ABCB9: variants seen among roughly 807,000 people sequenced by gnomAD.
The protein encoded by ABCB9 is ABC-type oligopeptide transporter ABCB9.
ABCB9 carries 36 observed loss-of-function variants against 62.0 expected under a neutral mutation model. The observed-to-expected ratio is 0.58, with a 90% CI of 0.45 to 0.77. ABCB9 has a LOEUF of 0.77. Among genes scored for constraint, ABCB9 ranks in the 30% least tolerant of loss-of-function variants. The probability of loss-of-function intolerance (pLI) is 0.00; values close to 1 mark genes in which losing one functional copy is unlikely to be tolerated. For missense variants in ABCB9, 943 were observed against 1,054.7 expected, an observed-to-expected ratio of 0.89 and a Z score of 1.47; for synonymous variants, 435 against 461.4, an observed-to-expected ratio of 0.94 and a Z score of 0.73.
chr12:122,940,958 A>G lies in ABCB9; in HGVS notation c.1418T>C (p.Val473Ala). ...GSVYSGLMQG[V>A]GAAEKVFEFI... ...CTCGAACACCTTCTCAGCAGCCCCC[A>G]CTCCCTGCATCAGGCCACTGTAGAC... Residue 473 changes from valine (V) to alanine (A), a missense_variant, in exon 8 of 12, where the codon GTG becomes GCG. Coordinates refer to ENST00000280560, the MANE Select transcript of ABCB9 (RefSeq NM_019625.4). This position sits in a 1 kb window ranked among gnomAD's most constrained non-coding sequence, Gnocchi z 4.8. The G allele has an allele frequency of 1.2e-6, 2 of 1,611,670 alleles. No individual in the cohort carries two copies. Among genetic ancestry groups the G allele is most frequent in the Non-Finnish European group, 1.7e-6 (2 of 1,178,752 alleles).
At position 122,959,917 on chromosome 12, in the gene ABCB9, C is replaced by T; in HGVS notation, c.319G>A (p.Val107Met). ...AMVKLLLFSEVRRPIRDPWFW... is the reference protein window; with the variant it reads ...AMVKLLLFSEMRRPIRDPWFW... ...CAGGGGTCCCGGATGGGCCTGCGCA[C>T]CTCTGAGAAGAGCAGCAGCTTCACC... is the stretch of plus-strand genomic sequence containing the variant. The change falls in exon 2 of 12, where the codon GTG becomes ATG. Residue 107 changes from valine (V) to methionine (M), a missense_variant. Coordinates refer to ENST00000280560, the MANE Select transcript of ABCB9 (RefSeq NM_019625.4). This position sits in a 1 kb window ranked among gnomAD's most constrained non-coding sequence, Gnocchi z 5.4. 1 of 1,613,456 alleles carries T rather than the reference C, an allele frequency of 6.2e-7. No homozygotes were observed. The highest frequency in any genetic ancestry group is 1.3e-5 in the African/African-American group (1 of 75,058).
chr12:122,965,836 C>G (rs2037143583), intron 1 of ABCB9, among the ~76,000 whole-genome samples: 2 of 152,268 alleles, frequency 1.3e-5, no homozygotes, highest in South Asian at 4.1e-4. Flanking sequence ...CACTGGCCTG[C>G]TGAGGAGACT....
Position 122,944,288 on chromosome 12 carries a change from C to T in ABCB9, c.1380+103G>A. The T allele has an allele frequency of 6.7e-7, 1 of 1,483,602 alleles. No individual in the cohort carries two copies. Among genetic ancestry groups the T allele is most frequent in the Non-Finnish European group, 9.1e-7 (1 of 1,102,660 alleles). 91.9% of individuals were successfully genotyped at this position (1,483,602 alleles called of 1,614,324 possible). ...CCCCTACTTACCTTAGAGAGAAATA[C>T]CACATTGTCAGAGTCCCTGGAGCCC... On this transcript the variant is annotated intron_variant, in intron 7 of 11. Coordinates refer to ENST00000280560, the MANE Select transcript of ABCB9 (RefSeq NM_019625.4). This position sits in a 1 kb window ranked among gnomAD's most constrained non-coding sequence, Gnocchi z 4.9.
downstream of ABCB9, among the ~76,000 whole-genome samples, chr12:122,925,379 G>A (rs2034870810): frequency 6.6e-6 from 1 of 152,138 alleles, no homozygotes; most frequent in African/African-American, 2.4e-5. Flanking sequence ...GTTGAGCACA[G>A]AGTTCTCATG....
At chr12:122,949,722 G>C (rs1426995834) in intron 4 of ABCB9, 66 bp downstream of exon 4, 1 of 1,598,916 alleles carries the variant, frequency 6.3e-7, no homozygotes, top group Non-Finnish European at 8.6e-7. Flanking sequence ...TCATTCCTCA[G>C]TGCCAGGCAA....
intron 10 of ABCB9, among the ~76,000 whole-genome samples, chr12:122,934,192 G>A (rs2035339076): frequency 6.6e-6 from 1 of 152,194 alleles, no homozygotes; most frequent in African/African-American, 2.4e-5. Flanking sequence ...AGGTTGCAGT[G>A]AGGCAAGATT....
intron 2 of ABCB9, among the ~76,000 whole-genome samples, chr12:122,955,264 C>A (rs528918981): frequency 6.6e-6 from 1 of 152,190 alleles, no homozygotes; most frequent in African/African-American, 2.4e-5. Context: ...CTCGAGTCTG[C>A]GCCCTGACTC....
intron 2 of ABCB9, among the ~76,000 whole-genome samples, chr12:122,958,722 G>C (rs1380476464): frequency 6.6e-6 from 1 of 151,866 alleles, no homozygotes; most frequent in Non-Finnish European, 1.5e-5. Context: ...CGCCCCTGTA[G>C]TCCCAGCTAT....
downstream of ABCB9, among the ~76,000 whole-genome samples, chr12:122,920,286 G>C (rs753071668): frequency 2.0e-5 from 3 of 151,216 alleles, no homozygotes; most frequent in Non-Finnish European, 4.4e-5. Context: ...TCCTGTTAGT[G>C]ACTCAGCACA....
At chr12:122,931,996 T>A (rs1235570333) in intron 11 of ABCB9, 196 bp downstream of exon 11, 4 of 933,016 alleles carry the variant, frequency 4.3e-6, no homozygotes, top group South Asian at 1.6e-5. Flanking sequence ...CAGCTCTGCC[T>A]GGAGCCTGGA....
Position 122,930,400 on chromosome 12 carries a change from C to T in ABCB9, c.2041-229G>A, listed in dbSNP as rs1029701524. 4.6e-5 allele frequency among the ~76,000 whole-genome samples: 7 copies of T among 151,246 alleles called. No individual in the cohort carries two copies. Among genetic ancestry groups the T allele is most frequent in the Admixed American group, 3.9e-4 (6 of 15,210 alleles). On this transcript the variant is annotated intron_variant, in intron 11 of 11. Coordinates refer to ENST00000280560, the MANE Select transcript of ABCB9 (RefSeq NM_019625.4). This position sits in a 1 kb window ranked among gnomAD's most constrained non-coding sequence, Gnocchi z 4.9. ...CTGGCCCTCCAGTCTTCTGGTCCTT[C>T]CCTTCCCCCTCCTTTTTTTTTTTTT... is the stretch of plus-strand genomic sequence containing the variant.
intron 11 of ABCB9, among the ~76,000 whole-genome samples, chr12:122,923,509 T>C (rs1159026450): frequency 9.2e-5 from 14 of 152,086 alleles, no homozygotes; most frequent in African/African-American, 2.7e-4. Flanking sequence ...CAGGATGGTC[T>C]CCATCTCCTG....
At chr12:122,936,559 A>G (rs1244369104) in intron 9 of ABCB9, among the ~76,000 whole-genome samples, 1 of 152,116 alleles carries the variant, frequency 6.6e-6, no homozygotes, top group African/African-American at 2.4e-5. Context: ...TGAGCCCAGG[A>G]GTTTGAGATC....
rs1191217059 is a variant in ABCB9, at chr12:122,946,520, C to T, written c.1054-298G>A. Reference sequence around the variant, plus strand: ...AGTATTCAAAAGAGGCTATTCATGACTGGACAGTTTTTGGTAATCCTTTCA... The same window carrying T: ...AGTATTCAAAAGAGGCTATTCATGATTGGACAGTTTTTGGTAATCCTTTCA... On this transcript the variant is annotated intron_variant, in intron 5 of 11. Transcript: ENST00000280560. 1.6e-5 allele frequency: 7 copies of T among 430,666 alleles called. No individual in the cohort carries two copies. The East Asian group carries it at 1.8e-4, about 11-fold the overall frequency. 26.7% of individuals were successfully genotyped at this position (430,666 alleles called of 1,614,324 possible). A position where few individuals can be genotyped will look rare whatever the true frequency, so the allele number is the denominator to read the frequency against.
chr12:122,946,022 T>A lies in ABCB9; in HGVS notation c.1251+3A>T. On this transcript the variant is annotated splice_donor_region_variant and intron_variant, in intron 6 of 11. Transcript: ENST00000280560. ...CCAGAGCTGCCTGGCCAGGGGCACG[T>A]ACCCCGCTGCCCCAGACGTAGTACA... 6.2e-7 allele frequency: 1 copy of A among 1,613,262 alleles called. No individual in the cohort carries two copies. The highest frequency in any genetic ancestry group is 1.1e-5 in the South Asian group (1 of 91,024).
intron 1 of ABCB9, among the ~76,000 whole-genome samples, chr12:122,961,311 C>T (rs572723119): frequency 6.6e-6 from 1 of 152,262 alleles, no homozygotes; most frequent in East Asian, 1.9e-4. Flanking sequence ...CCTCAGCCCC[C>T]CAAGTAGCTG....
intron 11 of ABCB9, among the ~76,000 whole-genome samples, chr12:122,923,009 T>C (rs995960301): frequency 2.6e-5 from 4 of 151,992 alleles, no homozygotes; most frequent in Non-Finnish European, 5.9e-5. Flanking sequence ...GGGGTCTCAC[T>C]ATGTTGCCCA....
rs935322362 is a variant in ABCB9 at position 122,972,670 on chromosome 12, C to T, written c.-88+2045G>A. Among the ~76,000 whole-genome samples, 5 of 152,216 alleles carry T rather than the reference C, an allele frequency of 3.3e-5. No homozygotes were observed. In the East Asian group the frequency reaches 9.7e-4, roughly 29 times the overall value. ...GGATTACAGGCGTGTGCTACCACGC[C>T]TGGATAATTTTGTTATATTTTTAGT... On this transcript the variant is annotated intron_variant, in intron 1 of 11. Coordinates refer to the ABCB9 transcript ENST00000392439.
At position 122,940,717 on chromosome 12, in the gene ABCB9, C is replaced by T; in HGVS notation, c.1569+90G>A. ...ATGATCTTGCCTGACATATTCCCAGCTGCCCTGCCACAGCCTGGTGTATAG... is the reference window on the plus strand; with the variant it reads ...ATGATCTTGCCTGACATATTCCCAGTTGCCCTGCCACAGCCTGGTGTATAG... On this transcript the variant is annotated intron_variant, in intron 8 of 11. Transcript: ENST00000280560. This position sits in a 1 kb window ranked among gnomAD's most constrained non-coding sequence, Gnocchi z 4.8. 5 of 1,421,746 alleles carry T rather than the reference C, an allele frequency of 3.5e-6. No homozygotes were observed. Among genetic ancestry groups the T allele is most frequent in the Non-Finnish European group, 4.7e-6 (5 of 1,071,100 alleles). 88.1% of individuals were successfully genotyped at this position (1,421,746 alleles called of 1,614,324 possible). A position where few individuals can be genotyped will look rare whatever the true frequency, so the allele number is the denominator to read the frequency against.
Sources: gnomAD v4.1 joint callset for allele counts (sites outside exome capture counted in the v4.1 genomes callset) on GRCh38, gnomAD v4.1.1 for gene constraint, Gnocchi (gnomAD v3.1) non-coding constraint, MANE v1.5 for transcripts, NCBI Gene and HGNC (gene_info 2026-07-23, HGNC 2026-07-21) for gene names.